Variants in OCRL observed in about 807,000 individuals in gnomAD.
OCRL encodes the protein inositol polyphosphate 5-phosphatase OCRL.
Under a neutral mutation model 78.9 loss-of-function variants are expected in OCRL, and 8 were observed. The observed-to-expected ratio is 0.10, with a 90% confidence interval of 0.06 to 0.18. The LOEUF (loss-of-function observed/expected upper bound fraction) is 0.18, where lower values mean the gene tolerates loss of function less well. OCRL is among the 10% of genes least tolerant of loss of function. The pLI is 1.00. For missense variants in OCRL, 454 were observed against 696.7 expected (o/e 0.65, Z 3.92); for synonymous variants, 240 against 235.4 (o/e 1.02, Z -0.18).
At chrX:129,543,911 T>A (rs1431676209) in intron 2 of OCRL, among the ~76,000 whole-genome samples, 1 of 112,090 alleles carries the variant, frequency 8.9e-6, no homozygotes, top group East Asian at 2.8e-4. Flanking sequence ...AAACTGAATA[T>A]GATCTGGTCT....
At chrX:129,552,520 G>C (rs1019591190) in intron 4 of OCRL, among the ~76,000 whole-genome samples, 4 of 111,960 alleles carry the variant, frequency 3.6e-5, no homozygotes, top group Non-Finnish European at 7.5e-5. Context: ...TGCCTCCCGG[G>C]TTGAAGCTAT....
chrX:129,540,659 G>C (rs1488295925), intron 1 of OCRL, 85 bp from the exon 2 acceptor site: 5 of 803,095 alleles, frequency 6.2e-6, no homozygotes, highest in South Asian at 2.2e-5. Flanking sequence ...GGCGGTGGGG[G>C]GGGGGTGGAA....
chrX:129,552,611 G>A (rs1481786643), intron 4 of OCRL, among the ~76,000 whole-genome samples: 2 of 111,872 alleles, frequency 1.8e-5, no homozygotes, highest in Non-Finnish European at 3.8e-5. Context: ...TTTCAGTAGA[G>A]ATGGGGTTTT....
chrX:129,540,564 C>T (rs1416534808), intron 1 of OCRL, 86 bp downstream of exon 1: 2 of 1,010,431 alleles, frequency 2.0e-6, no homozygotes, highest in African/African-American at 4.0e-5. Flanking sequence ...TGGGGCGGGG[C>T]AACCGGGTGG....
At chrX:129,575,812 ACTC>A in intron 16 of OCRL, 82 bp from the exon 17 acceptor site, 7 of 1,066,824 alleles carry the variant, frequency 6.6e-6, no homozygotes, top group Middle Eastern at 2.5e-4. Flanking sequence ...CAATTACCTT[ACTC>A]CTCATATCCT....
In OCRL at chrX:129,590,468, A is replaced by C; in HGVS notation, c.*198A>C. The C allele has an allele frequency of 2.1e-6, 1 of 486,954 alleles. No individual in the cohort carries two copies. The highest frequency in any genetic ancestry group is 2.4e-5 in the African/African-American group (1 of 41,999). The allele number at this position is 486,954 out of a possible 1,213,427, so 40.1% of individuals were successfully genotyped here. On this transcript the variant is annotated 3_prime_UTR_variant, in exon 24 of 24. Coordinates refer to ENST00000371113, the MANE Select transcript of OCRL (RefSeq NM_000276.4). The stretch of plus-strand genomic sequence containing the variant: ...AAATACTTTTAGACTTATATTGCCA[A>C]GCCAAAGTTACCATATTTTGGTGTT...
chrX:129,587,996 A>G (rs1936536055), intron 20 of OCRL, among the ~76,000 whole-genome samples, 183 bp from the exon 21 acceptor site: 2 of 111,912 alleles, frequency 1.8e-5, no homozygotes. Flanking sequence ...TTGAAATAAC[A>G]TTTCACATGG....
In OCRL at chrX:129,576,672, A is replaced by G. The variant is rs1936373271; in HGVS notation, c.2115+120A>G. 5.4e-6 allele frequency: 3 copies of G among 551,524 alleles called. No homozygotes were observed. In the Admixed American group the frequency reaches 8.1e-5, roughly 15 times the overall value. 45.5% of individuals were successfully genotyped at this position (551,524 alleles called of 1,213,427 possible). Reference sequence around the variant, plus strand: ...TGGCCACGGGGGATGTCAAATGATAAAGAAGAATGTTACTTTAGCACTGTT... The same window carrying G: ...TGGCCACGGGGGATGTCAAATGATAGAGAAGAATGTTACTTTAGCACTGTT... On this transcript the variant is annotated intron_variant, in intron 18 of 23. Coordinates refer to ENST00000371113, the MANE Select transcript of OCRL (RefSeq NM_000276.4).
At chrX:129,540,592 G>C (rs1204658129) in intron 1 of OCRL, 114 bp downstream of exon 1, 3 of 868,263 alleles carry the variant, frequency 3.5e-6, no homozygotes, top group African/African-American at 4.2e-5. Context: ...GCCGAGCAGA[G>C]AGGGGGAGGG....
At chrX:129,560,735 T>C (rs1212573098) in intron 9 of OCRL, 84 bp downstream of exon 9, 5 of 648,586 alleles carry the variant, frequency 7.7e-6, no homozygotes, top group Non-Finnish European at 1.0e-5. Flanking sequence ...AAAAAGACTG[T>C]TGGTAAAACC....
At chrX:129,578,925 G>A (rs1936407231) in intron 18 of OCRL, among the ~76,000 whole-genome samples, 1 of 111,088 alleles carries the variant, frequency 9.0e-6, no homozygotes. Context: ...ACAGTCTGTT[G>A]CATTTCAGTG....
At chrX:129,567,946 G>A (rs745913628) in intron 14 of OCRL, among the ~76,000 whole-genome samples, 30 of 92,300 alleles carry the variant, frequency 3.3e-4, no homozygotes, top group African/African-American at 1.2e-3. Flanking sequence ...TCGCTCTGTC[G>A]CCCAGGCCGG....
At chrX:129,573,542 C>T (rs1936328957) in intron 15 of OCRL, among the ~76,000 whole-genome samples, 1 of 111,481 alleles carries the variant, frequency 9.0e-6, no homozygotes, top group South Asian at 3.8e-4. Context: ...CATCCATGTC[C>T]CTGCAAAGGA....
At chrX:129,540,540 C>T (rs1391741785) in intron 1 of OCRL, 62 bp downstream of exon 1, 5 of 1,091,345 alleles carry the variant, frequency 4.6e-6, no homozygotes, top group Non-Finnish European at 6.1e-6. Flanking sequence ...GGTCGGGGGC[C>T]CTGCGGAACA....
intron 15 of OCRL, among the ~76,000 whole-genome samples, chrX:129,573,998 T>C (rs1228830930): frequency 1.8e-5 from 2 of 112,380 alleles, no homozygotes; most frequent in African/African-American, 6.5e-5. Context: ...AGTAAACATA[T>C]GTGTGCATGT....
intron 18 of OCRL, among the ~76,000 whole-genome samples, chrX:129,582,313 C>T (rs1307339260): frequency 8.9e-6 from 1 of 111,982 alleles, no homozygotes; most frequent in Non-Finnish European, 1.9e-5. Flanking sequence ...AACTCCTCAC[C>T]CCAACTCAGT....
rs1169921099 is a variant in OCRL, at chrX:129,562,680, G to A, written c.1138G>A (p.Val380Met). The change falls in exon 12 of 24, where the codon GTG becomes ATG. Residue 380 changes from valine to methionine, a missense_variant. Around this residue, in one of 2 missense-constraint regions of OCRL, gnomAD observed 277 missense variants for 517.1 expected, o/e 0.54. Transcript: ENST00000371113. ...CIVNSHLAAH[V>M]EDFERRNQDY... is the part of the protein sequence containing the mutation. ...TGTCAATTCCCATCTGGCTGCACAC[G>A]TGGAGGACTTTGAGAGAAGGAATCA... 1.7e-6 allele frequency: 2 copies of A among 1,211,186 alleles called. No individual in the cohort carries two copies. Among genetic ancestry groups the A allele is most frequent in the Admixed American group, 2.2e-5 (1 of 46,038 alleles).
rs913073231 is a variant in OCRL, at chrX:129,545,014, A to G, written c.176A>G (p.Asn59Ser). Residue 59 changes from asparagine (N) to serine (S), a missense_variant, in exon 3 of 24, where the codon AAT (asparagine) becomes AGT (serine). Asn to Ser is a conservative substitution (Grantham distance 46). Transcript: ENST00000371113. ...CATGTTCAAGATATCATTCCTATAA[A>G]TAGCCACTTCAGATGTGTTCAAGGT... ...EQHVQDIIPI[N>S]SHFRCVQEAE... is the part of the protein sequence containing the mutation. 1 of 1,120,997 alleles carries G rather than the reference A, an allele frequency of 8.9e-7. No homozygotes were observed. Among genetic ancestry groups the G allele is most frequent in the African/African-American group, 1.8e-5 (1 of 55,530 alleles). The allele number at this position is 1,120,997 out of a possible 1,213,427, so 92.4% of individuals were successfully genotyped here.
chrX:129,574,547 T>C (rs748437622), intron 15 of OCRL, among the ~76,000 whole-genome samples: 16 of 112,374 alleles, frequency 1.4e-4, no homozygotes, highest in Non-Finnish European at 2.8e-4. Flanking sequence ...AGCAGTGATA[T>C]TATACTTCTT....
Sources: gnomAD v4.1 joint callset for allele counts (sites outside exome capture counted in the v4.1 genomes callset) on GRCh38, gnomAD v4.1.1 for gene constraint, gnomAD v4.1.1 regional missense constraint, MANE v1.5 for transcripts, NCBI Gene and HGNC (gene_info 2026-07-23, HGNC 2026-07-21) for gene names.